The following TES variants were observed in gnomAD, a reference collection of about 807,000 sequenced individuals.
TES encodes testin.
In TES, 41 loss-of-function variants were observed where a neutral mutation model predicts 48.2. That is an observed-to-expected ratio of 0.85 (90% CI 0.66 to 1.10). The LOEUF (loss-of-function observed/expected upper bound fraction) is 1.10, where lower values mean the gene tolerates loss of function less well. Ranked by LOEUF, TES falls within the 50% of genes least tolerant of loss-of-function variation. The pLI, the probability that TES is intolerant of heterozygous loss-of-function variation, is 0.00. For synonymous variants in TES, 162 were observed against 174.9 expected (o/e 0.93, Z 0.58); for missense variants, 463 against 515.1 (o/e 0.90, Z 0.98).
At chr7:116,221,278 GAT>G (rs1170921436) in intron 1 of TES, among the ~76,000 whole-genome samples, 2 of 152,026 alleles carry the variant, frequency 1.3e-5, no homozygotes, top group African/African-American at 4.8e-5. Context: ...CTATGCAAAG[GAT>G]TCAAAGCTGG....
chr7:116,246,363 A>G (rs1240060260), intron 2 of TES, among the ~76,000 whole-genome samples: 1 of 152,234 alleles, frequency 6.6e-6, no homozygotes, highest in African/African-American at 2.4e-5. Flanking sequence ...CCCTATTGCC[A>G]GTTATGTTTC....
At chr7:116,233,400 G>A (rs748171234) in intron 1 of TES, among the ~76,000 whole-genome samples, 5 of 152,260 alleles carry the variant, frequency 3.3e-5, no homozygotes, top group Middle Eastern at 3.4e-3. Context: ...GAAGAAAAGG[G>A]TTTGCTATAG....
chr7:116,227,341 C>G (rs962987364), intron 1 of TES, among the ~76,000 whole-genome samples: 3 of 151,262 alleles, frequency 2.0e-5, no homozygotes, highest in African/African-American at 7.3e-5. Flanking sequence ...CCAGGCTGGT[C>G]TTGAACTCTT....
In TES at chr7:116,251,896, A is replaced by G. The variant is rs1312276566; in HGVS notation, c.839A>G (p.Tyr280Cys). ...TCHELLVDMI[Y>C]FWKNEKLYCG... is the part of the protein sequence containing the mutation. ...CATGAACTCCTGGTTGACATGATTT[A>G]TTTTTGGAAGAATGAGAAGCTATAC... is the stretch of plus-strand genomic sequence containing the variant. Residue 280 changes from tyrosine to cysteine, a missense_variant, in exon 5 of 7, where the codon TAT (tyrosine) becomes TGT (cysteine). Transcript: ENST00000358204. 2 of 1,614,096 alleles carry G rather than the reference A, an allele frequency of 1.2e-6. No individual in the cohort carries two copies. The highest frequency in any genetic ancestry group is 1.1e-5 in the South Asian group (1 of 91,074).
chr7:116,248,159 T>A (rs1440916545), intron 2 of TES, among the ~76,000 whole-genome samples: 2 of 152,242 alleles, frequency 1.3e-5, no homozygotes, highest in Non-Finnish European at 2.9e-5. Flanking sequence ...ATTCTTTTTT[T>A]ATGGCTGCAT....
chr7:116,252,602 T>A, intron 6 of TES, 126 bp downstream of exon 6: 1 of 1,323,102 alleles, frequency 7.6e-7, no homozygotes, highest in Non-Finnish European at 1.1e-6. Context: ...AAATTATTCC[T>A]ACCACAGGGT....
chr7:116,227,037 G>C (rs1330571589), intron 1 of TES, among the ~76,000 whole-genome samples: 3 of 152,044 alleles, frequency 2.0e-5, no homozygotes, highest in Non-Finnish European at 2.9e-5. Context: ...AATAAAATGT[G>C]CAACTATTTT....
rs141116706 is a variant in TES at position 116,241,881 on chromosome 7, T to C, written c.114-7139T>C. ...AATACAGAGCTGGTTCTTCTATAAT[T>C]AGTAAATTTAACTCTTTATATTTAA... On this transcript the variant is annotated intron_variant, in intron 2 of 6. Transcript: ENST00000358204. 1.9e-3 allele frequency among the ~76,000 whole-genome samples: 296 copies of C among 152,294 alleles called. 2 individuals carry two copies. The highest frequency in any genetic ancestry group is 6.7e-3 in the African/African-American group (277 of 41,562).
intron 1 of TES, among the ~76,000 whole-genome samples, chr7:116,227,585 A>G (rs1799639675): frequency 6.6e-6 from 1 of 152,204 alleles, no homozygotes; most frequent in Non-Finnish European, 1.5e-5. Context: ...CCATTTGCTA[A>G]GAGGAATTAT....
intron 3 of TES, 116 bp downstream of exon 3, chr7:116,249,388 G>T (rs1201879769): frequency 1.6e-6 from 2 of 1,245,886 alleles, no homozygotes; most frequent in Non-Finnish European, 2.2e-6. Flanking sequence ...TTCTTCCGGG[G>T]TTCTCATTAC....
At chr7:116,241,774 G>C (rs1453832775) in intron 2 of TES, among the ~76,000 whole-genome samples, 1 of 152,052 alleles carries the variant, frequency 6.6e-6, no homozygotes, top group Non-Finnish European at 1.5e-5. Context: ...TATGTTGGGT[G>C]GTTAAAGGCA....
At position 116,210,688 on chromosome 7, in the gene TES, G is replaced by T; in HGVS notation, c.-20G>T. The T allele has an allele frequency of 7.7e-7, 1 of 1,291,656 alleles. No homozygotes were observed. Among genetic ancestry groups the T allele is most frequent in the Non-Finnish European group, 9.9e-7 (1 of 1,008,632 alleles). 80.0% of individuals were successfully genotyped at this position (1,291,656 alleles called of 1,614,324 possible). ...GGGATCCCGGATAGGAGGAGGAGGGGACCCATAGGACGCGTTAACATGGAC... is the reference window on the plus strand; with the variant it reads ...GGGATCCCGGATAGGAGGAGGAGGGTACCCATAGGACGCGTTAACATGGAC... On this transcript the variant is annotated 5_prime_UTR_variant, in exon 1 of 7. Coordinates refer to ENST00000358204, the MANE Select transcript of TES (RefSeq NM_015641.4).
intron 2 of TES, among the ~76,000 whole-genome samples, chr7:116,247,540 G>A (rs1367363435): frequency 1.3e-5 from 2 of 151,782 alleles, no homozygotes; most frequent in African/African-American, 4.8e-5. Context: ...AATTGAAGAT[G>A]TCTATTATTG....
intron 1 of TES, among the ~76,000 whole-genome samples, chr7:116,227,112 A>G (rs1411219377): frequency 6.8e-6 from 1 of 148,080 alleles, no homozygotes; most frequent in Non-Finnish European, 1.5e-5. Context: ...TTATTTATTT[A>G]TTTATTTATT....
intron 6 of TES, 26 bp downstream of exon 6, chr7:116,252,502 T>C: frequency 6.2e-7 from 1 of 1,614,194 alleles, no homozygotes; most frequent in Non-Finnish European, 8.5e-7. Context: ...AGGATATGGT[T>C]GCCTCAGCCT....
At chr7:116,249,561 G>A in intron 3 of TES, 1 of 315,264 alleles carries the variant, frequency 3.2e-6, no homozygotes, top group Non-Finnish European at 5.8e-6. Context: ...AACTCTTCTA[G>A]CTTAGTCTTG....
At chr7:116,236,194 A>C (rs1799768767) in intron 2 of TES, among the ~76,000 whole-genome samples, 1 of 152,174 alleles carries the variant, frequency 6.6e-6, no homozygotes, top group African/African-American at 2.4e-5. Context: ...CCTATTAGTT[A>C]ACTTTACAGA....
intron 6 of TES, chr7:116,252,746 TG>T: frequency 2.2e-6 from 1 of 457,914 alleles, no homozygotes; most frequent in South Asian, 2.2e-5. Context: ...AAATTCTTAA[TG>T]GGAATGAGAT....
rs759921969 is a variant in TES at position 116,250,188 on chromosome 7, A to G, written c.394A>G (p.Lys132Glu). 6 of 1,558,378 alleles carry G rather than the reference A, an allele frequency of 3.9e-6. No homozygotes were observed. The highest frequency in any genetic ancestry group is 5.2e-6 in the Non-Finnish European group (6 of 1,157,182). ...CAGGCAGTACATGCAGATGCTACCC[A>G]AGGAAAAGCAGCCAGTAGCAGGCTC... is the stretch of plus-strand genomic sequence containing the variant. Reference protein sequence around the residue: ...LARQYMQMLPKEKQPVAGSEG... With the variant: ...LARQYMQMLPEEKQPVAGSEG... Residue 132 changes from lysine to glutamate, a missense_variant, in exon 4 of 7, where the codon AAG (lysine) becomes GAG (glutamate). By Grantham distance (56) the Lys-to-Glu change is moderately conservative. Transcript: ENST00000358204.
Sources: allele counts gnomAD v4.1 joint callset (sites outside exome capture counted in the v4.1 genomes callset), GRCh38; gene constraint gnomAD v4.1.1; transcripts MANE v1.5; gene names NCBI Gene and HGNC (gene_info 2026-07-23, HGNC 2026-07-21).